Variants in LRR1 observed in about 807,000 individuals in gnomAD.
LRR1 encodes the protein leucine rich repeat protein 1.
A neutral mutation model predicts 31.6 loss-of-function variants in LRR1; 29 were observed. That is an observed-to-expected ratio of 0.92 (90% CI 0.68 to 1.25). The LOEUF is 1.25. Among genes scored for constraint, LRR1 ranks in the 50% most tolerant of loss-of-function variants. The pLI is 0.00. For synonymous variants in LRR1, 179 were observed against 181.4 expected, an observed-to-expected ratio of 0.99 and a Z score of 0.10; for missense variants, 485 against 487.2, an observed-to-expected ratio of 1.00 and a Z score of 0.04.
At chr14:49,613,196 A>G (rs917136205) in intron 3 of LRR1, among the ~76,000 whole-genome samples, 3 of 152,102 alleles carry the variant, frequency 2.0e-5, no homozygotes, top group Non-Finnish European at 2.9e-5. Context: ...AAAATTAGCC[A>G]GGCGTGGTGG....
At chr14:49,600,527 T>G in intron 1 of LRR1, 1 of 1,566,772 alleles carries the variant, frequency 6.4e-7, no homozygotes, top group Non-Finnish European at 8.8e-7. Context: ...TTGATGAGGC[T>G]ATCATAGCCA....
chr14:49,610,945 A>G (rs1179418568), intron 3 of LRR1, among the ~76,000 whole-genome samples: 1 of 152,208 alleles, frequency 6.6e-6, no homozygotes, highest in African/African-American at 2.4e-5. Flanking sequence ...TAGAAAGATC[A>G]TATTTCAAAT....
At chr14:49,600,208 A>G (rs1229755366) in intron 1 of LRR1, 36 of 1,477,714 alleles carry the variant, frequency 2.4e-5, no homozygotes, top group East Asian at 2.3e-4. Flanking sequence ...GACTATGACC[A>G]TCTGAGGCCT....
chr14:49,612,226 A>G (rs1013811617), intron 3 of LRR1, among the ~76,000 whole-genome samples: 2 of 152,218 alleles, frequency 1.3e-5, no homozygotes, highest in East Asian at 3.8e-4. Context: ...CACTATTAAT[A>G]TAGCTTTCTT....
intron 2 of LRR1, among the ~76,000 whole-genome samples, chr14:49,605,590 A>T (rs1249028793): frequency 6.6e-6 from 1 of 152,158 alleles, no homozygotes; most frequent in Non-Finnish European, 1.5e-5. Context: ...TTCTTAATAA[A>T]ACTCTTTCTT....
rs915832925 is a variant in LRR1 at position 49,604,230 on chromosome 14, G to C, written c.282+1762G>C. On this transcript the variant is annotated intron_variant, in intron 2 of 3. Coordinates refer to ENST00000298288, the MANE Select transcript of LRR1 (RefSeq NM_152329.4). Reference sequence around the variant, plus strand: ...TGAGGTGGGAGGATCACTTGAGCCTGGGAGGTGCAGGTTACAATGAGCCAA... The same window carrying C: ...TGAGGTGGGAGGATCACTTGAGCCTCGGAGGTGCAGGTTACAATGAGCCAA... 3.3e-5 allele frequency among the ~76,000 whole-genome samples: 5 copies of C among 151,988 alleles called. No individual in the cohort carries two copies. The East Asian group carries it at 9.7e-4, about 30-fold the overall frequency.
rs763651696 is a variant in LRR1 at position 49,599,058 on chromosome 14, A to G, written c.38A>G (p.His13Arg). ...TGTGAGGTGGAGGTGATCAGCCGGC[A>G]CTTGCCCGCCTTGGGGCTTAGGAAC... ...LHCEVEVISR[H>R]LPALGLRNRG... The change falls in exon 1 of 4, where the codon CAC (histidine) becomes CGC (arginine). Residue 13 changes from histidine to arginine, a missense_variant. Around this residue, in one of 3 missense-constraint regions of LRR1, gnomAD observed 260 missense variants for 249.6 expected, o/e 1.04. Coordinates refer to ENST00000298288, the MANE Select transcript of LRR1 (RefSeq NM_152329.4). 6 of 1,609,512 alleles carry G rather than the reference A, an allele frequency of 3.7e-6. No individual in the cohort carries two copies. The African/African-American group carries it at 6.7e-5, about 18-fold the overall frequency.
chr14:49,603,511 TTTC>T (rs200898470), intron 2 of LRR1: 6 of 143,196 alleles, frequency 4.2e-5, no homozygotes, highest in South Asian at 2.0e-4. Flanking sequence ...GTAATCATTC[TTTC>T]TTCTTCTTCT....
chr14:49,605,223 A>G (rs1218820319), intron 2 of LRR1, among the ~76,000 whole-genome samples: 1 of 152,166 alleles, frequency 6.6e-6, no homozygotes. Flanking sequence ...AACTCCAAGC[A>G]AAGTGCTCTG....
chr14:49,612,890 T>G (rs1393187514), intron 3 of LRR1, among the ~76,000 whole-genome samples: 1 of 152,078 alleles, frequency 6.6e-6, no homozygotes, highest in Non-Finnish European at 1.5e-5. Context: ...TTTAGTGTCT[T>G]GTAGATGATT....
chr14:49,608,181 A>G, intron 3 of LRR1, 60 bp downstream of exon 3: 2 of 1,454,362 alleles, frequency 1.4e-6, no homozygotes, highest in Non-Finnish European at 1.8e-6. Context: ...ATTCCTATCA[A>G]ACTCAGAGTA....
At chr14:49,604,353 G>A (rs1352024992) in intron 2 of LRR1, among the ~76,000 whole-genome samples, 1 of 151,912 alleles carries the variant, frequency 6.6e-6, no homozygotes, top group Non-Finnish European at 1.5e-5. Context: ...CTGGCTGGGT[G>A]CAGTGGCTCA....
chr14:49,603,046 T>C (rs1882129842), intron 2 of LRR1, among the ~76,000 whole-genome samples: 1 of 151,250 alleles, frequency 6.6e-6, no homozygotes, highest in South Asian at 2.1e-4. Flanking sequence ...GGTTTCACCA[T>C]GTTGACCAGG....
At chr14:49,601,136 T>C in intron 1 of LRR1, 1 of 1,607,616 alleles carries the variant, frequency 6.2e-7, no homozygotes. Flanking sequence ...GGAGAGAATG[T>C]ATGAGATCAA....
intron 2 of LRR1, chr14:49,603,662 G>C: frequency 1.0e-6 from 1 of 985,470 alleles, no homozygotes; most frequent in African/African-American, 1.9e-5. Context: ...ACTGTGCCTG[G>C]CCCTTACTGT....
intron 1 of LRR1, chr14:49,599,863 C>G: frequency 1.6e-5 from 7 of 430,672 alleles, no homozygotes; most frequent in Admixed American, 5.3e-5. Context: ...CTGCTTGGGG[C>G]CGGGGGGGCG....
In LRR1 at chr14:49,603,710, A is replaced by ATTTTTTTTTTTT. The variant is rs1566493069; in HGVS notation, c.282+1243_282+1244insTTTTTTTTTTTT. 97 of 132,724 alleles carry ATTTTTTTTTTTT rather than the reference A, an allele frequency of 7.3e-4. 32 individuals carry two copies. The highest frequency in any genetic ancestry group is 2.1e-3 in the African/African-American group (27 of 13,076). 8.2% of individuals were successfully genotyped at this position (132,724 alleles called of 1,614,324 possible). ...TTTTTTTTTTTTTTTTTTTTTTTTAATGAGACAGAGTCTCTCCCTGTCACC... is the reference window on the plus strand; with the variant it reads ...TTTTTTTTTTTTTTTTTTTTTTTTAATTTTTTTTTTTTTGAGACAGAGTCTCTCCCTGTCACC... On this transcript the variant is annotated intron_variant, in intron 2 of 3. Transcript: ENST00000298288.
intron 2 of LRR1, chr14:49,603,584 G>A (rs955320407): frequency 3.0e-5 from 29 of 976,146 alleles, no homozygotes; most frequent in Non-Finnish European, 3.5e-5. Flanking sequence ...AGGTTGGAGT[G>A]CAGTGGGAAG....
chr14:49,608,144 ATGTGGTGTCTTTG>A, intron 3 of LRR1, 23 bp downstream of exon 3: 1 of 1,521,932 alleles, frequency 6.6e-7, no homozygotes, highest in South Asian at 1.3e-5. Context: ...TAGTCATGTA[ATGTGGTGTCTTTG>A]ATAGCATTCT....
Sources: gnomAD v4.1 joint callset for allele counts (sites outside exome capture counted in the v4.1 genomes callset) on GRCh38, gnomAD v4.1.1 for gene constraint, gnomAD v4.1.1 regional missense constraint, MANE v1.5 for transcripts, NCBI Gene and HGNC (gene_info 2026-07-23, HGNC 2026-07-21) for gene names.